PDGFC: variants seen among roughly 807,000 people sequenced by gnomAD.
The protein encoded by PDGFC is platelet-derived growth factor C.
Under a neutral mutation model 35.5 loss-of-function variants are expected in PDGFC, and 12 were observed. The ratio of observed to expected loss-of-function variants is 0.34; its 90% CI spans 0.22 to 0.55. PDGFC has a LOEUF of 0.55. Among genes scored for constraint, PDGFC ranks in the 20% least tolerant of loss-of-function variants. PDGFC has a pLI of 0.91. For missense variants in PDGFC, 322 were observed against 412.4 expected, an observed-to-expected ratio of 0.78 and a Z score of 1.90; for synonymous variants, 159 against 148.8, an observed-to-expected ratio of 1.07 and a Z score of -0.50.
intron 1 of PDGFC, among the ~76,000 whole-genome samples, chr4:156,886,438 A>G (rs1255294565): frequency 6.6e-6 from 1 of 152,212 alleles, no homozygotes; most frequent in Non-Finnish European, 1.5e-5. Context: ...AACAAAATAA[A>G]GTTTTGTTTA....
chr4:156,852,277 T>C (rs1323471522), intron 1 of PDGFC, among the ~76,000 whole-genome samples: 1 of 152,152 alleles, frequency 6.6e-6, no homozygotes, highest in Non-Finnish European at 1.5e-5. Flanking sequence ...CAAAATAAGG[T>C]AAGTATCATT....
intron 1 of PDGFC, among the ~76,000 whole-genome samples, chr4:156,964,484 T>C (rs1442565324): frequency 1.3e-5 from 2 of 149,586 alleles, no homozygotes; most frequent in African/African-American, 4.9e-5. Flanking sequence ...ATATATATAG[T>C]GATATATATA....
intron 2 of PDGFC, among the ~76,000 whole-genome samples, chr4:156,820,775 AC>A: frequency 6.6e-6 from 1 of 152,322 alleles, no homozygotes; most frequent in African/African-American, 2.4e-5. Context: ...AAAATCAACA[AC>A]TTAGATAAAA....
At chr4:156,882,350 C>G (rs751701450) in intron 1 of PDGFC, among the ~76,000 whole-genome samples, 1 of 152,120 alleles carries the variant, frequency 6.6e-6, no homozygotes, top group South Asian at 2.1e-4. Context: ...TAAGACAATT[C>G]TCTCCCTAGT....
intron 1 of PDGFC, among the ~76,000 whole-genome samples, chr4:156,945,483 A>T (rs1003221419): frequency 6.6e-6 from 1 of 150,648 alleles, no homozygotes; most frequent in Non-Finnish European, 1.5e-5. Context: ...AAGGAAAAAC[A>T]GAAAAAATAT....
chr4:156,864,582 T>A (rs373237696), intron 1 of PDGFC, among the ~76,000 whole-genome samples: 1 of 152,178 alleles, frequency 6.6e-6, no homozygotes. Context: ...AATTCCAAGA[T>A]GAAAACTTTT....
intron 2 of PDGFC, among the ~76,000 whole-genome samples, chr4:156,830,336 T>C (rs1215837680): frequency 6.6e-6 from 1 of 151,850 alleles, no homozygotes; most frequent in Non-Finnish European, 1.5e-5. Flanking sequence ...TTGGTTGATA[T>C]GAGAACTTAC....
chr4:156,808,534 G>C (rs1245708330), intron 3 of PDGFC, among the ~76,000 whole-genome samples: 1 of 151,872 alleles, frequency 6.6e-6, no homozygotes, highest in Non-Finnish European at 1.5e-5. Flanking sequence ...CCTGAGCAAA[G>C]GCCTCAAGAA....
At chr4:156,794,426 C>T (rs572148533) in intron 3 of PDGFC, among the ~76,000 whole-genome samples, 1 of 151,708 alleles carries the variant, frequency 6.6e-6, no homozygotes, top group South Asian at 2.1e-4. Context: ...GAAATATTAG[C>T]TTTCAAAGTA....
Position 156,810,846 on chromosome 4 carries a change from A to C in PDGFC, c.486T>G (p.Ile162Met). The stretch of plus-strand genomic sequence containing the variant: ...TGAAAGTGGTACTTACTGGCATGAC[A>C]ATGTTGTAGTGGATGCAGAACCCTG... ...SEPGFCIHYN[I>M]VMPQFTEAVS... Residue 162 changes from isoleucine (I) to methionine (M), a missense_variant, in exon 3 of 6, where the codon ATT becomes ATG. Coordinates refer to ENST00000502773, the MANE Select transcript of PDGFC (RefSeq NM_016205.3). 1.9e-6 allele frequency: 3 copies of C among 1,592,570 alleles called. No individual in the cohort carries two copies. The highest frequency in any genetic ancestry group is 2.6e-6 in the Non-Finnish European group (3 of 1,164,294).
intron 3 of PDGFC, among the ~76,000 whole-genome samples, chr4:156,785,111 C>T (rs1223816077): frequency 6.6e-6 from 1 of 152,168 alleles, no homozygotes; most frequent in Non-Finnish European, 1.5e-5. Flanking sequence ...ATATGATTGC[C>T]ACTGTGATAT....
intron 2 of PDGFC, among the ~76,000 whole-genome samples, chr4:156,820,744 T>C (rs1004143497): frequency 6.6e-6 from 1 of 152,120 alleles, no homozygotes; most frequent in African/African-American, 2.4e-5. Context: ...ATCATACTCA[T>C]AAACACTGAA....
chr4:156,857,776 G>A (rs1729617174), intron 1 of PDGFC, among the ~76,000 whole-genome samples: 1 of 152,040 alleles, frequency 6.6e-6, no homozygotes, highest in Admixed American at 6.6e-5. Flanking sequence ...TTTCCGAAAA[G>A]TTGGGGACAA....
chr4:156,831,228 A>G (rs1728923992), intron 2 of PDGFC, among the ~76,000 whole-genome samples: 1 of 152,170 alleles, frequency 6.6e-6, no homozygotes, highest in Non-Finnish European at 1.5e-5. Flanking sequence ...TGCTGTTGAA[A>G]TATCCCCATA....
chr4:156,853,566 C>T (rs1020872887), intron 1 of PDGFC, among the ~76,000 whole-genome samples: 5 of 152,068 alleles, frequency 3.3e-5, no homozygotes, highest in South Asian at 2.1e-4. Context: ...AAATAATTAA[C>T]GCCTTTTCTA....
chr4:156,885,755 G>A (rs1730361846), intron 1 of PDGFC, among the ~76,000 whole-genome samples: 1 of 152,036 alleles, frequency 6.6e-6, no homozygotes, highest in Admixed American at 6.6e-5. Context: ...AGCCAGGCAT[G>A]GTGTTATGTG....
chr4:156,896,210 A>T (rs1730630386), intron 1 of PDGFC, among the ~76,000 whole-genome samples: 2 of 152,182 alleles, frequency 1.3e-5, no homozygotes, highest in South Asian at 4.1e-4. Flanking sequence ...AAATAAATTA[A>T]TAATTATAAT....
intron 1 of PDGFC, chr4:156,876,838 A>C (rs1002694593): frequency 6.6e-6 from 1 of 152,170 alleles, no homozygotes; most frequent in Non-Finnish European, 1.5e-5. Flanking sequence ...TGTTGTTAAT[A>C]AGATTATTTT....
rs201955899 is a variant in PDGFC, at chr4:156,848,151, CTGA to C, written c.314+2067_314+2069del. Among the ~76,000 whole-genome samples the C allele has an allele frequency of 9.1e-3, 1,385 of 151,782 alleles. 16 individuals carry two copies. Among genetic ancestry groups the C allele is most frequent in the African/African-American group, 0.03 (1,260 of 41,452 alleles). Reference sequence around the variant, plus strand: ...CATGATAAAAAGGTAATATGAATGGCTGATAATAAATATAAAAATTTCTCAACC... The same window carrying C: ...CATGATAAAAAGGTAATATGAATGGCTAATAAATATAAAAATTTCTCAACC... On this transcript the variant is annotated intron_variant, in intron 2 of 5. Transcript: ENST00000502773.
Sources: gnomAD v4.1 joint callset for allele counts (sites outside exome capture counted in the v4.1 genomes callset) on GRCh38, gnomAD v4.1.1 for gene constraint, MANE v1.5 for transcripts, NCBI Gene and HGNC (gene_info 2026-07-23, HGNC 2026-07-21) for gene names.